WNK1: variants seen among roughly 807,000 people sequenced by gnomAD.
The protein encoded by WNK1 is serine/threonine-protein kinase WNK1.
In WNK1, 38 loss-of-function variants were observed where a neutral mutation model predicts 222.8. The ratio of observed to expected loss-of-function variants is 0.17; its 90% confidence interval spans 0.13 to 0.22. The LOEUF (loss-of-function observed/expected upper bound fraction) is 0.22, where lower values mean the gene tolerates loss of function less well. Among genes scored for constraint, WNK1 ranks in the 10% least tolerant of loss-of-function variants. The pLI, the probability that WNK1 is intolerant of heterozygous loss-of-function variation, is 1.00. For missense variants in WNK1, 2,348 were observed against 2,918.4 expected (o/e 0.80, Z 4.50); for synonymous variants, 1,090 against 1,092.9 (o/e 1.00, Z 0.05).
At chr12:848,442 AC>A (rs1301939435) in intron 4 of WNK1, among the ~76,000 whole-genome samples, 16 of 147,530 alleles carry the variant, frequency 1.1e-4, no homozygotes, top group Non-Finnish European at 2.4e-4. Flanking sequence ...TTTGATGGTT[AC>A]TTTTGTAATA....
intron 1 of WNK1, among the ~76,000 whole-genome samples, chr12:763,458 G>A (rs1431000887): frequency 2.0e-5 from 3 of 146,810 alleles, no homozygotes; most frequent in Non-Finnish European, 4.6e-5. Context: ...GTGTGGTGGT[G>A]CATGCCTGTA....
rs1309982792 is a variant in WNK1, at chr12:827,554, A to C, written c.1153+292A>C. On this transcript the variant is annotated intron_variant, in intron 3 of 27. Coordinates refer to ENST00000315939, the MANE Select transcript of WNK1 (RefSeq NM_018979.4). The surrounding 1 kb of genome is among the most constrained non-coding windows in gnomAD (Gnocchi z 4.6). ...GTTGTTGTTGTTGTTGTTGAGATGG[A>C]GTCTCTCTCTGTCACCCAGGCTAGA... The C allele has an allele frequency of 2.1e-6, 1 of 480,356 alleles. No individual in the cohort carries two copies. Among genetic ancestry groups the C allele is most frequent in the African/African-American group, 1.9e-5 (1 of 51,630 alleles). 29.8% of individuals were successfully genotyped at this position (480,356 alleles called of 1,614,324 possible). A position where few individuals can be genotyped will look rare whatever the true frequency, so the allele number is the denominator to read the frequency against.
At position 883,487 on chromosome 12, in the gene WNK1, GGAT is replaced by G; in HGVS notation, c.3584_3586del (p.Asp1195del). 1 of 1,614,110 alleles carries G rather than the reference GGAT, an allele frequency of 6.2e-7. No individual in the cohort carries two copies. The highest frequency in any genetic ancestry group is 1.1e-5 in the South Asian group (1 of 91,084). On this transcript the variant is annotated inframe_deletion, in exon 16 of 28. Coordinates refer to ENST00000315939, the MANE Select transcript of WNK1 (RefSeq NM_018979.4). Reference sequence around the variant, plus strand: ...AAAAAGCTGATGAAATGCTCAGTGAGGATGTCAGTGTGGAACCAGAGGGTGATC... The same window carrying G: ...AAAAAGCTGATGAAATGCTCAGTGAGGTCAGTGTGGAACCAGAGGGTGATC...
intron 2 of WNK1, among the ~76,000 whole-genome samples, chr12:824,132 C>A (rs910892996): frequency 2.0e-5 from 3 of 151,706 alleles, no homozygotes; most frequent in African/African-American, 7.3e-5. Flanking sequence ...GTCTTGAACT[C>A]CTGACCTCAG....
intron 1 of WNK1, among the ~76,000 whole-genome samples, chr12:804,382 A>G (rs1946155338): frequency 6.6e-6 from 1 of 151,854 alleles, no homozygotes; most frequent in Non-Finnish European, 1.5e-5. Context: ...ACTATCATCC[A>G]TATCTAGAAC....
intron 19 of WNK1, 37 bp downstream of exon 19, chr12:886,121 A>T: frequency 6.9e-7 from 1 of 1,450,770 alleles, no homozygotes; most frequent in Non-Finnish European, 9.1e-7. Flanking sequence ...GATAAATATG[A>T]TCAGTTTTTT....
At chr12:851,772 G>GT in intron 4 of WNK1, 1 of 1,344,928 alleles carries the variant, frequency 7.4e-7, no homozygotes, top group Non-Finnish European at 9.8e-7. Flanking sequence ...CAAAAGGATT[G>GT]TATAAATGAG....
chr12:905,979 A>T (rs1228280972), intron 26 of WNK1, among the ~76,000 whole-genome samples: 1 of 152,174 alleles, frequency 6.6e-6, no homozygotes, highest in Non-Finnish European at 1.5e-5. Context: ...ACTGCAGCAC[A>T]GACCTGCTTG....
At position 884,112 on chromosome 12, in the gene WNK1, T is replaced by C. The variant is rs1200387478; in HGVS notation, c.3722-9T>C. On this transcript the variant is annotated splice_polypyrimidine_tract_variant and intron_variant, in intron 17 of 27. Transcript: ENST00000315939. This position sits in a 1 kb window ranked among gnomAD's most constrained non-coding sequence, Gnocchi z 5.6. Reference sequence around the variant, plus strand: ...ATTAAGTTACGTTTGTTTGTTTGTTTTTGACCAGGCATTCCTACCAGTTCT... The same window carrying C: ...ATTAAGTTACGTTTGTTTGTTTGTTCTTGACCAGGCATTCCTACCAGTTCT... The C allele has an allele frequency of 6.2e-7, 1 of 1,614,186 alleles. No homozygotes were observed. Among genetic ancestry groups the C allele is most frequent in the Non-Finnish European group, 8.5e-7 (1 of 1,180,032 alleles).
At position 879,757 on chromosome 12, in the gene WNK1, C is replaced by T. The variant is rs766223909; in HGVS notation, c.2558C>T (p.Thr853Met). The change falls in exon 11 of 28, where the codon ACG becomes ATG. Residue 853 changes from threonine (T) to methionine (M), a missense_variant. Thr to Met is a moderately conservative substitution (Grantham distance 81, BLOSUM62 -1). Around this residue, in one of 13 missense-constraint regions of WNK1, gnomAD observed 547 missense variants for 558.3 expected, o/e 0.98. Coordinates refer to ENST00000315939, the MANE Select transcript of WNK1 (RefSeq NM_018979.4). ...CCCATATCAACTCCTCATGTGTCTA[C>T]GGCTCAGACAGGTTTCTCATCCCTT... is the stretch of plus-strand genomic sequence containing the variant. ...QIPISTPHVS[T>M]AQTGFSSLPI... The T allele has an allele frequency of 9.3e-6, 15 of 1,613,924 alleles. No individual in the cohort carries two copies. Among genetic ancestry groups the T allele is most frequent in the East Asian group, 6.7e-5 (3 of 44,892 alleles).
At chr12:890,357 C>T (rs1954100226) in intron 21 of WNK1, 96 bp from the exon 22 acceptor site, 2 of 1,209,444 alleles carry the variant, frequency 1.7e-6, no homozygotes, top group African/African-American at 1.5e-5. Flanking sequence ...TACTGTCTTT[C>T]TGCCCTTTTA....
intron 1 of WNK1, among the ~76,000 whole-genome samples, chr12:757,424 C>G (rs569674736): frequency 7.7e-4 from 110 of 142,802 alleles, no homozygotes; most frequent in Non-Finnish European, 2.3e-4. Context: ...CTCCTGGGTT[C>G]AAGCGATTCT....
chr12:837,228 C>G (rs951849540), intron 4 of WNK1, among the ~76,000 whole-genome samples: 4 of 152,206 alleles, frequency 2.6e-5, no homozygotes, highest in African/African-American at 9.6e-5. Context: ...GGATTGGTTA[C>G]AGCTTGCTGT....
chr12:868,489 T>C (rs1014661185), intron 8 of WNK1: 4 of 1,614,000 alleles, frequency 2.5e-6, no homozygotes, highest in Non-Finnish European at 3.4e-6. Context: ...CTGGATTGGG[T>C]CCGGGATCTC....
intron 1 of WNK1, among the ~76,000 whole-genome samples, chr12:762,973 C>T (rs1215848288): frequency 2.1e-5 from 3 of 146,014 alleles, no homozygotes; most frequent in African/African-American, 7.3e-5. Context: ...CTCCAACTCC[C>T]GACCTCAGGC....
intron 2 of WNK1, among the ~76,000 whole-genome samples, chr12:815,014 C>T (rs955969106): frequency 2.6e-5 from 4 of 152,068 alleles, no homozygotes; most frequent in African/African-American, 9.7e-5. Flanking sequence ...GGTTCATGGC[C>T]CTGTGAGAAA....
rs190211240 is a variant in WNK1, at chr12:868,457, C to T, written c.2140-2808C>T. ...TGGACAGGCTTTCCTGGTAGGACACCTTCAGAATCTAAGATTAGATTCTGG... is the reference window on the plus strand; with the variant it reads ...TGGACAGGCTTTCCTGGTAGGACACTTTCAGAATCTAAGATTAGATTCTGG... On this transcript the variant is annotated intron_variant, in intron 8 of 27. Coordinates refer to ENST00000315939, the MANE Select transcript of WNK1 (RefSeq NM_018979.4). 7.4e-6 allele frequency: 12 copies of T among 1,613,986 alleles called. No homozygotes were observed. The African/African-American group carries it at 1.5e-4, about 20-fold the overall frequency.
chr12:764,008 C>T (rs1941368715), intron 1 of WNK1, among the ~76,000 whole-genome samples: 1 of 147,052 alleles, frequency 6.8e-6, no homozygotes, highest in Admixed American at 6.8e-5. Flanking sequence ...GTTCAATAGG[C>T]AGTTGGATAT....
chr12:759,628 C>CGTTTT (rs1345673307), intron 1 of WNK1, among the ~76,000 whole-genome samples: 1 of 147,910 alleles, frequency 6.8e-6, no homozygotes, highest in Non-Finnish European at 1.5e-5. Flanking sequence ...CATGCTCAGC[C>CGTTTT]GTTTTGTTTT....
Sources: gnomAD v4.1 joint callset for allele counts (sites outside exome capture counted in the v4.1 genomes callset) on GRCh38, gnomAD v4.1.1 for gene constraint, gnomAD v4.1.1 regional missense constraint, Gnocchi (gnomAD v3.1) non-coding constraint, MANE v1.5 for transcripts, NCBI Gene and HGNC (gene_info 2026-07-23, HGNC 2026-07-21) for gene names.